PIK3AP1: variants seen among roughly 807,000 people sequenced by gnomAD.
PIK3AP1 encodes the protein phosphoinositide-3-kinase adaptor protein 1.
Under a neutral mutation model 88.1 loss-of-function variants are expected in PIK3AP1, and 21 were observed. The observed-to-expected ratio is 0.24, with a 90% CI of 0.17 to 0.34. PIK3AP1 has a LOEUF of 0.34. Ranked by LOEUF, PIK3AP1 falls within the 10% of genes least tolerant of loss-of-function variation. The probability of loss-of-function intolerance (pLI) is 1.00; values close to 1 mark genes in which losing one functional copy is unlikely to be tolerated. For synonymous variants in PIK3AP1, 398 were observed against 400.0 expected (o/e 1.00, Z 0.06); for missense variants, 828 against 1,035.7 (o/e 0.80, Z 2.75).
At chr10:96,603,701 CA>C (rs1365341365) in intron 15 of PIK3AP1, 105 of 250,124 alleles carry the variant, frequency 4.2e-4, no homozygotes, top group African/African-American at 4.4e-4. Flanking sequence ...CACACACACA[CA>C]CACACACACC....
intron 1 of PIK3AP1, among the ~76,000 whole-genome samples, chr10:96,713,895 T>C (rs1231395714): frequency 6.6e-6 from 1 of 152,020 alleles, no homozygotes; most frequent in Non-Finnish European, 1.5e-5. Flanking sequence ...AGTCAAGGGC[T>C]GGCTGCGGTG....
chr10:96,616,724 T>A lies in PIK3AP1; in HGVS notation c.1942-13A>T. 1.2e-6 allele frequency: 2 copies of A among 1,613,700 alleles called. No individual in the cohort carries two copies. The highest frequency in any genetic ancestry group is 1.7e-6 in the Non-Finnish European group (2 of 1,179,592). On this transcript the variant is annotated splice_polypyrimidine_tract_variant and intron_variant, in intron 12 of 16. Coordinates refer to ENST00000339364, the MANE Select transcript of PIK3AP1 (RefSeq NM_152309.3). Reference sequence around the variant, plus strand: ...GTTTAAGATTTTCCTGGAAAAAAATTTGGTTTATTTTTTAAGTGTACAACA... The same window carrying A: ...GTTTAAGATTTTCCTGGAAAAAAATATGGTTTATTTTTTAAGTGTACAACA...
intron 3 of PIK3AP1, among the ~76,000 whole-genome samples, chr10:96,656,567 C>G (rs3827867): frequency 1.3e-5 from 2 of 151,946 alleles, no homozygotes; most frequent in African/African-American, 2.4e-5. Flanking sequence ...ATCCATAGAA[C>G]AGAAGTCTTA....
At chr10:96,603,053 G>C (rs1425373671) in intron 15 of PIK3AP1, among the ~76,000 whole-genome samples, 1 of 152,104 alleles carries the variant, frequency 6.6e-6, no homozygotes. Context: ...CCTAACCCTG[G>C]ATCCCCTGAG....
rs966576659 is a variant in PIK3AP1 at position 96,681,858 on chromosome 10, C to A, written c.431-24924G>T. ...GACTATGCCTGTATGCAATTACCCA[C>A]GAGGGCAGTGATGACCACATTTTGC... is the stretch of plus-strand genomic sequence containing the variant. On this transcript the variant is annotated intron_variant, in intron 2 of 16. Transcript: ENST00000339364. 2.0e-5 allele frequency among the ~76,000 whole-genome samples: 3 copies of A among 152,216 alleles called. No homozygotes were observed. The East Asian group carries it at 5.8e-4, about 29-fold the overall frequency.
At chr10:96,652,595 A>T in intron 4 of PIK3AP1, 103 bp downstream of exon 4, 6 of 1,424,418 alleles carry the variant, frequency 4.2e-6, no homozygotes, top group Non-Finnish European at 5.8e-6. Flanking sequence ...TCAAAGTAGC[A>T]AACATATTTA....
intron 2 of PIK3AP1, among the ~76,000 whole-genome samples, chr10:96,681,329 G>T (rs1843996772): frequency 6.6e-6 from 1 of 152,126 alleles, no homozygotes; most frequent in Non-Finnish European, 1.5e-5. Flanking sequence ...CGAAAGGTTA[G>T]GACTTCCAAA....
intron 2 of PIK3AP1, among the ~76,000 whole-genome samples, chr10:96,700,075 T>C (rs879749176): frequency 8.5e-5 from 13 of 152,156 alleles, no homozygotes; most frequent in Admixed American, 1.3e-4. Context: ...CAGAGACAGG[T>C]GCAAACTTGA....
chr10:96,642,448 AAGAAAGAAAGAAAAAAAG>A (rs1310163839), intron 8 of PIK3AP1, among the ~76,000 whole-genome samples: 15 of 120,608 alleles, frequency 1.2e-4, no homozygotes, highest in African/African-American at 4.1e-4. Flanking sequence ...AAAAAACAGA[AAGAAAGAAAGAAAAAAAG>A]AGAAAGAAAG....
At chr10:96,622,355 A>T (rs779199399) in intron 11 of PIK3AP1, among the ~76,000 whole-genome samples, 3 of 152,204 alleles carry the variant, frequency 2.0e-5, no homozygotes, top group Non-Finnish European at 4.4e-5. Context: ...CGCAGCGACC[A>T]TGGGGCCACT....
rs964917515 is a variant in PIK3AP1 at position 96,705,884 on chromosome 10, GTTTTTTTTTT to G, written c.430+3673_430+3682del. On this transcript the variant is annotated intron_variant, in intron 2 of 16. Transcript: ENST00000339364. ...CATAAGCCACTATGCCCAGCCAGTT[GTTTTTTTTTT>G]TTTTTTTTTTTTTTTTTGAGATGGA... Among the ~76,000 whole-genome samples the G allele has an allele frequency of 2.4e-3, 145 of 60,972 alleles. 3 individuals are homozygous for G. The highest frequency in any genetic ancestry group is 2.3e-3 in the South Asian group (4 of 1,714). 40.0% of individuals were successfully genotyped at this position (60,972 alleles called of 152,430 possible).
chr10:96,651,216 G>T (rs376538197), intron 6 of PIK3AP1, 32 bp downstream of exon 6: 3 of 1,613,908 alleles, frequency 1.9e-6, no homozygotes, highest in Admixed American at 1.7e-5. Context: ...ATCAGCCCAC[G>T]TTGGTTTCCT....
At chr10:96,611,390 T>C (rs4919040) in intron 13 of PIK3AP1, among the ~76,000 whole-genome samples, 93,453 of 151,996 alleles carry the variant, frequency 0.61, 30,002 homozygotes, top group East Asian at 0.83. Context: ...CTCACTCTCA[T>C]ATGGGTAGCC....
At chr10:96,657,601 G>A (rs2134240015) in intron 2 of PIK3AP1, among the ~76,000 whole-genome samples, 1 of 152,182 alleles carries the variant, frequency 6.6e-6, no homozygotes, top group East Asian at 1.9e-4. Flanking sequence ...CTAAGGCAGG[G>A]GCTCTTAACC....
intron 2 of PIK3AP1, among the ~76,000 whole-genome samples, chr10:96,664,156 A>T (rs1396879936): frequency 1.3e-5 from 2 of 152,242 alleles, no homozygotes; most frequent in Non-Finnish European, 2.9e-5. Context: ...CTGAACCAAG[A>T]GGCTTTGCAT....
At chr10:96,683,547 A>G (rs948544198) in intron 2 of PIK3AP1, among the ~76,000 whole-genome samples, 2 of 152,232 alleles carry the variant, frequency 1.3e-5, no homozygotes, top group Non-Finnish European at 2.9e-5. Context: ...TCACTTCTAT[A>G]CATCTCATTC....
intron 2 of PIK3AP1, among the ~76,000 whole-genome samples, chr10:96,703,089 G>T (rs1340736887): frequency 6.6e-6 from 1 of 152,094 alleles, no homozygotes; most frequent in Non-Finnish European, 1.5e-5. Flanking sequence ...CATTGCCCAG[G>T]CTGGTCTTGA....
chr10:96,607,663 A>G (rs543804334), intron 14 of PIK3AP1, among the ~76,000 whole-genome samples: 1 of 152,288 alleles, frequency 6.6e-6, no homozygotes, highest in African/African-American at 2.4e-5. Context: ...CTTTTGGCCT[A>G]TTCCCTCTCC....
chr10:96,701,956 G>C (rs1453910497), intron 2 of PIK3AP1, among the ~76,000 whole-genome samples: 1 of 152,140 alleles, frequency 6.6e-6, no homozygotes, highest in Non-Finnish European at 1.5e-5. Flanking sequence ...TTACACAATG[G>C]AATATTTTTC....
Sources: allele counts gnomAD v4.1 joint callset (sites outside exome capture counted in the v4.1 genomes callset), GRCh38; gene constraint gnomAD v4.1.1; transcripts MANE v1.5; gene names NCBI Gene and HGNC (gene_info 2026-07-23, HGNC 2026-07-21).